GABRB3: variants seen among roughly 807,000 people sequenced by gnomAD.
GABRB3 encodes gamma-aminobutyric acid type A receptor subunit beta3, also known as gamma-aminobutyric acid receptor subunit beta-3.
In GABRB3, 14 loss-of-function variants were observed where a neutral mutation model predicts 52.1. The ratio of observed to expected loss-of-function variants is 0.27; its 90% CI spans 0.18 to 0.42. GABRB3 has a LOEUF of 0.42. GABRB3 is among the 10% of genes least tolerant of loss of function. The pLI is 1.00. For missense variants in GABRB3, 307 were observed against 609.1 expected, an observed-to-expected ratio of 0.50 and a Z score of 5.22; for synonymous variants, 260 against 232.3, an observed-to-expected ratio of 1.12 and a Z score of -1.08.
At chr15:26,669,436 C>G (rs1425802699) in intron 3 of GABRB3, among the ~76,000 whole-genome samples, 1 of 152,170 alleles carries the variant, frequency 6.6e-6, no homozygotes, top group Non-Finnish European at 1.5e-5. Context: ...TCCAAAGCAC[C>G]TAGCACATTG....
chr15:26,667,074 T>A (rs975098541), intron 3 of GABRB3, among the ~76,000 whole-genome samples: 4 of 152,172 alleles, frequency 2.6e-5, no homozygotes, highest in Non-Finnish European at 5.9e-5. Flanking sequence ...ATGGATTGAT[T>A]GAGAGCACAC....
chr15:26,643,587 G>A (rs1437808282), intron 3 of GABRB3, among the ~76,000 whole-genome samples: 3 of 7,552 alleles, frequency 4.0e-4, no homozygotes, highest in Non-Finnish European at 9.7e-4. Context: ...CAAGGAGAAC[G>A]TAATGAACCA....
At chr15:26,671,059 T>C (rs1217114067) in intron 3 of GABRB3, among the ~76,000 whole-genome samples, 1 of 152,140 alleles carries the variant, frequency 6.6e-6, no homozygotes, top group Non-Finnish European at 1.5e-5. Context: ...ATGAGATAGT[T>C]GACTGCTGAG....
intron 4 of GABRB3, among the ~76,000 whole-genome samples, chr15:26,619,002 C>A (rs4906889): frequency 0.49 from 64,332 of 130,468 alleles, 16,768 homozygotes; most frequent in Middle Eastern, 0.57. Flanking sequence ...GGCAATCATT[C>A]AAAAGTCAGG....
intron 3 of GABRB3, among the ~76,000 whole-genome samples, chr15:26,709,515 C>CTTTTTTTTTTTTTTTTTTTTT (rs57044167): frequency 6.5e-5 from 6 of 92,002 alleles, no homozygotes; most frequent in South Asian, 9.3e-4. Flanking sequence ...TTTTTTCTTT[C>CTTTTTTTTTTTTTTTTTTTTT]TTTTTTTTTT....
intron 8 of GABRB3, among the ~76,000 whole-genome samples, chr15:26,554,173 A>AT (rs1491240523): frequency 0.38 from 11,508 of 30,644 alleles, 3,174 homozygotes; most frequent in Non-Finnish European, 0.48. Flanking sequence ...ATATATATAT[A>AT]AAGTATATAT....
At chr15:26,595,141 C>T (rs935236281) in intron 4 of GABRB3, among the ~76,000 whole-genome samples, 3 of 152,272 alleles carry the variant, frequency 2.0e-5, no homozygotes, top group Admixed American at 1.3e-4. Flanking sequence ...TGCTTCCATC[C>T]AAAACCTCCC....
chr15:26,594,990 G>C (rs902066185), intron 4 of GABRB3, among the ~76,000 whole-genome samples: 1 of 152,222 alleles, frequency 6.6e-6, no homozygotes, highest in Non-Finnish European at 1.5e-5. Context: ...AGGTTCCTTA[G>C]GACTTTTCTG....
chr15:26,766,573 A>T (rs1265914563), intron 3 of GABRB3, among the ~76,000 whole-genome samples: 1 of 152,224 alleles, frequency 6.6e-6, no homozygotes, highest in Non-Finnish European at 1.5e-5. Context: ...CAAGTAGTCC[A>T]AGAAGCAACA....
chr15:26,699,549 G>C (rs1162522090), intron 3 of GABRB3, among the ~76,000 whole-genome samples: 2 of 148,994 alleles, frequency 1.3e-5, no homozygotes, highest in African/African-American at 5.0e-5. Context: ...CATTTTAAAA[G>C]TTATTATAAG....
intron 3 of GABRB3, among the ~76,000 whole-genome samples, chr15:26,728,055 T>C (rs904196331): frequency 2.0e-5 from 3 of 152,176 alleles, no homozygotes; most frequent in Non-Finnish European, 2.9e-5. Flanking sequence ...GTTACCTACA[T>C]TGATTCTTGA....
intron 3 of GABRB3, among the ~76,000 whole-genome samples, chr15:26,688,916 T>G (rs1359971049): frequency 6.6e-6 from 1 of 152,250 alleles, no homozygotes; most frequent in Admixed American, 6.5e-5. Context: ...CTCCTCTTTA[T>G]TCTGGTTTCT....
At chr15:26,627,022 T>C (rs1892725002) in intron 3 of GABRB3, among the ~76,000 whole-genome samples, 1 of 152,220 alleles carries the variant, frequency 6.6e-6, no homozygotes, top group African/African-American at 2.4e-5. Flanking sequence ...ACTCTCTTGC[T>C]AGGGGCTAAT....
chr15:26,686,082 A>G (rs941633197), intron 3 of GABRB3, among the ~76,000 whole-genome samples: 4 of 152,144 alleles, frequency 2.6e-5, no homozygotes, highest in African/African-American at 9.7e-5. Flanking sequence ...AGCTGGGACT[A>G]TAAGTGTGTG....
intron 3 of GABRB3, among the ~76,000 whole-genome samples, chr15:26,743,664 C>T (rs1232235689): frequency 1.3e-5 from 2 of 152,124 alleles, no homozygotes. Context: ...TTTTGTTACT[C>T]AGCAAAATGT....
At chr15:26,606,416 T>C (rs570957843) in intron 4 of GABRB3, among the ~76,000 whole-genome samples, 15 of 152,070 alleles carry the variant, frequency 9.9e-5, no homozygotes, top group Non-Finnish European at 2.1e-4. Flanking sequence ...CCCATGAATA[T>C]AGACATCTAC....
At chr15:26,732,838 C>CT (rs1425463055) in intron 3 of GABRB3, among the ~76,000 whole-genome samples, 15 of 151,834 alleles carry the variant, frequency 9.9e-5, no homozygotes, top group Non-Finnish European at 1.5e-4. Context: ...AAATACAATT[C>CT]TTTTTTTTAA....
chr15:26,622,429 G>A (rs1892519225), intron 3 of GABRB3, among the ~76,000 whole-genome samples: 1 of 152,154 alleles, frequency 6.6e-6, no homozygotes, highest in Non-Finnish European at 1.5e-5. Flanking sequence ...AAAATCTAGT[G>A]ATATTCACAG....
In GABRB3 at chr15:26,761,385, ACT is replaced by A. The variant is rs1360679915; in HGVS notation, c.240+11015_240+11016del. Among the ~76,000 whole-genome samples, 5 of 138,000 alleles carry A rather than the reference ACT, an allele frequency of 3.6e-5. No individual in the cohort carries two copies. In the East Asian group the frequency reaches 9.9e-4, roughly 27 times the overall value. The allele number at this position is 138,000 out of a possible 152,430, so 90.5% of individuals were successfully genotyped here. A position where few individuals can be genotyped will look rare whatever the true frequency, so the allele number is the denominator to read the frequency against. On this transcript the variant is annotated intron_variant, in intron 3 of 8. Transcript: ENST00000311550. The stretch of plus-strand genomic sequence containing the variant: ...ACTCCAGCCTGGGTGACACAGCAAG[ACT>A]CCATCTCAAAAAAAAAAATACAATA...
Sources: gnomAD v4.1 joint callset for allele counts (sites outside exome capture counted in the v4.1 genomes callset) on GRCh38, gnomAD v4.1.1 for gene constraint, MANE v1.5 for transcripts, NCBI Gene and HGNC (gene_info 2026-07-23, HGNC 2026-07-21) for gene names.